Variants in WWP2 observed in about 807,000 individuals in gnomAD.
WWP2 encodes the protein NEDD4-like E3 ubiquitin-protein ligase WWP2.
WWP2 carries 57 observed loss-of-function variants against 121.0 expected under a neutral mutation model. The ratio of observed to expected loss-of-function variants is 0.47; its 90% CI spans 0.38 to 0.59. The LOEUF (loss-of-function observed/expected upper bound fraction) is 0.59, where lower values mean the gene tolerates loss of function less well. WWP2 is among the 20% of genes least tolerant of loss of function. WWP2 has a pLI of 0.00. For synonymous variants in WWP2, 449 were observed against 441.3 expected (o/e 1.02, Z -0.22); for missense variants, 962 against 1,158.9 (o/e 0.83, Z 2.47).
chr16:69,802,758 C>T (rs1391198499), intron 4 of WWP2, among the ~76,000 whole-genome samples: 1 of 151,968 alleles, frequency 6.6e-6, no homozygotes, highest in Admixed American at 6.6e-5. Flanking sequence ...TACCTGCCAC[C>T]ATGCCCAGCT....
At chr16:69,819,940 A>G (rs56186702) in intron 4 of WWP2, among the ~76,000 whole-genome samples, 7,795 of 152,158 alleles carry the variant, frequency 0.051, 269 homozygotes, top group Middle Eastern at 0.11. Context: ...TGGACATTTT[A>G]TAGAAATGGA....
At chr16:69,888,324 G>A (rs2057964532) in intron 8 of WWP2, 75 bp downstream of exon 8, 26 of 1,479,728 alleles carry the variant, frequency 1.8e-5, no homozygotes, top group South Asian at 3.9e-5. Context: ...TGGAAACAAC[G>A]TGGTTATTTA....
At chr16:69,763,192 G>A (rs2038655056) in intron 1 of WWP2, among the ~76,000 whole-genome samples, 2 of 152,216 alleles carry the variant, frequency 1.3e-5, no homozygotes, top group African/African-American at 4.8e-5. Flanking sequence ...GGACAGAGAA[G>A]TGTCTACCTA....
intron 2 of WWP2, among the ~76,000 whole-genome samples, chr16:69,790,903 G>A (rs184896475): frequency 2.9e-3 from 438 of 152,200 alleles, no homozygotes; most frequent in Non-Finnish European, 5.0e-3. Flanking sequence ...ATATTTAAGG[G>A]CGGTTGTATT....
intron 4 of WWP2, chr16:69,838,740 T>G (rs187481369): frequency 1.0e-6 from 1 of 985,316 alleles, no homozygotes; most frequent in African/African-American, 1.7e-5. Context: ...AAGTGTTATT[T>G]TATAGAAACG....
At chr16:69,932,416 T>G (rs1452828374) in intron 16 of WWP2, among the ~76,000 whole-genome samples, 1 of 152,248 alleles carries the variant, frequency 6.6e-6, no homozygotes, top group African/African-American at 2.4e-5. Context: ...GGTGCCCCAC[T>G]GGGCTGGACA....
At chr16:69,810,794 G>A (rs1370705352) in intron 4 of WWP2, among the ~76,000 whole-genome samples, 1 of 134,338 alleles carries the variant, frequency 7.4e-6, no homozygotes. Flanking sequence ...TCGCTCTGTT[G>A]CCCAGACTGG....
At chr16:69,766,680 T>C (rs1405476973) in intron 1 of WWP2, among the ~76,000 whole-genome samples, 2 of 152,332 alleles carry the variant, frequency 1.3e-5, no homozygotes, top group Admixed American at 6.5e-5. Context: ...TTCAGCCACA[T>C]GGCCCCTTCC....
intron 16 of WWP2, among the ~76,000 whole-genome samples, chr16:69,932,739 G>A (rs755910622): frequency 2.6e-5 from 4 of 152,168 alleles, no homozygotes; most frequent in African/African-American, 9.7e-5. Context: ...AAACTGTAAC[G>A]GCTTATGTCA....
intron 18 of WWP2, 147 bp from the exon 19 acceptor site, chr16:69,936,165 T>G: frequency 7.0e-7 from 1 of 1,421,986 alleles, no homozygotes. Context: ...TCTAGAACCT[T>G]CTCCTTGAGT....
chr16:69,777,581 A>G (rs941499242), intron 1 of WWP2, among the ~76,000 whole-genome samples: 7 of 151,872 alleles, frequency 4.6e-5, no homozygotes, highest in Non-Finnish European at 8.8e-5. Flanking sequence ...GATTACAGGC[A>G]TGAGCCACCG....
At chr16:69,846,934 C>T (rs2057092430) in intron 6 of WWP2, among the ~76,000 whole-genome samples, 1 of 152,044 alleles carries the variant, frequency 6.6e-6, no homozygotes. Flanking sequence ...TGCTCTGTCA[C>T]CCTGGCTAGA....
Position 69,840,296 on chromosome 16 carries a change from G to A in WWP2, c.478+33G>A, listed in dbSNP as rs371401805. ...CCGCCCTGCTCCTCAGGACTGTGCCGGGACAGGGTGGGGCTGGGCGGGGGC... is the reference window on the plus strand; with the variant it reads ...CCGCCCTGCTCCTCAGGACTGTGCCAGGACAGGGTGGGGCTGGGCGGGGGC... On this transcript the variant is annotated intron_variant, in intron 5 of 23. Transcript: ENST00000359154. 58 of 1,611,704 alleles carry A rather than the reference G, an allele frequency of 3.6e-5. 1 individual carries two copies. Among genetic ancestry groups the A allele is most frequent in the African/African-American group, 5.3e-5 (4 of 74,868 alleles).
intron 6 of WWP2, among the ~76,000 whole-genome samples, chr16:69,848,534 G>A (rs1048519151): frequency 2.0e-5 from 3 of 151,358 alleles, no homozygotes; most frequent in African/African-American, 7.3e-5. Context: ...CACTTTGGGA[G>A]GCTGAGTTGG....
At chr16:69,837,192 T>C (rs900749772) in intron 4 of WWP2, among the ~76,000 whole-genome samples, 12 of 152,246 alleles carry the variant, frequency 7.9e-5, no homozygotes, top group African/African-American at 2.7e-4. Flanking sequence ...CCCAAAGTGC[T>C]GGGATTACAG....
chr16:69,899,494 C>G (rs949851369), intron 8 of WWP2, among the ~76,000 whole-genome samples: 8 of 152,086 alleles, frequency 5.3e-5, no homozygotes, highest in Non-Finnish European at 2.9e-5. Flanking sequence ...CTTCGCGAGG[C>G]CGAGGCAGGT....
intron 2 of WWP2, among the ~76,000 whole-genome samples, chr16:69,790,243 A>G (rs995480618): frequency 2.6e-5 from 4 of 152,316 alleles, no homozygotes; most frequent in East Asian, 1.9e-4. Flanking sequence ...ACGAAATTCT[A>G]TCTCAAAGAA....
chr16:69,939,979 G>A lies in WWP2; in HGVS notation c.*39G>A. On this transcript the variant is annotated 3_prime_UTR_variant, in exon 24 of 24. Transcript: ENST00000359154. ...TCCCACGCCCCCCAGCGCACATGTA[G>A]TCCTGAGTCCTCCCTGCCTGAGAGG... 1 of 1,553,754 alleles carries A rather than the reference G, an allele frequency of 6.4e-7. No homozygotes were observed. The highest frequency in any genetic ancestry group is 8.8e-7 in the Non-Finnish European group (1 of 1,136,558).
Position 69,904,685 on chromosome 16 carries a change from CA to C in WWP2, c.915-4075del, listed in dbSNP as rs554839662. On this transcript the variant is annotated intron_variant, in intron 8 of 23. Coordinates refer to ENST00000359154, the MANE Select transcript of WWP2 (RefSeq NM_001270454.2). The stretch of plus-strand genomic sequence containing the variant: ...TGTACCTGGCCCTAGTGTGCATTTT[CA>C]TCTGGCCACTTTTGCCAGATCCTGC... Among the ~76,000 whole-genome samples, 460 of 152,260 alleles carry C rather than the reference CA, an allele frequency of 3.0e-3. 1 individual carries two copies. The highest frequency in any genetic ancestry group is 4.1e-3 in the Non-Finnish European group (281 of 68,026).
Sources: gnomAD v4.1 joint callset for allele counts (sites outside exome capture counted in the v4.1 genomes callset) on GRCh38, gnomAD v4.1.1 for gene constraint, MANE v1.5 for transcripts, NCBI Gene and HGNC (gene_info 2026-07-23, HGNC 2026-07-21) for gene names.